TNFRSF10B: variants seen among roughly 807,000 people sequenced by gnomAD.
TNFRSF10B encodes the protein tumor necrosis factor receptor superfamily member 10B.
Under a neutral mutation model 41.4 loss-of-function variants are expected in TNFRSF10B, and 35 were observed. The ratio of observed to expected loss-of-function variants is 0.85; its 90% CI spans 0.65 to 1.12. The LOEUF (loss-of-function observed/expected upper bound fraction) is 1.12. Ranked by LOEUF, TNFRSF10B falls within the 50% of genes most tolerant of loss-of-function variation. The pLI, the probability that TNFRSF10B is intolerant of heterozygous loss-of-function variation, is 0.00. For missense variants in TNFRSF10B, 584 were observed against 552.7 expected (o/e 1.06, Z -0.57); for synonymous variants, 230 against 215.5 (o/e 1.07, Z -0.59).
chr8:23,040,466 C>CAAAATATATTTATTAAATATATAT (rs748466642), intron 2 of TNFRSF10B, among the ~76,000 whole-genome samples: 1,238 of 65,806 alleles, frequency 0.019, 491 homozygotes, highest in Non-Finnish European at 0.028. Context: ...AATATATATA[C>CAAAATATATTTATTAAATATATAT]ACAAAATATA....
intron 1 of TNFRSF10B, among the ~76,000 whole-genome samples, chr8:23,056,018 T>C (rs1293258765): frequency 2.0e-5 from 3 of 152,180 alleles, no homozygotes; most frequent in Non-Finnish European, 4.4e-5. Flanking sequence ...ATAAAAACTC[T>C]TTCTTCCCAG....
intron 1 of TNFRSF10B, among the ~76,000 whole-genome samples, chr8:23,055,237 C>CTAAA (rs1812630282): frequency 6.6e-6 from 1 of 152,088 alleles, no homozygotes; most frequent in Non-Finnish European, 1.5e-5. Context: ...GGCACTCTCT[C>CTAAA]TAAGCCCCTA....
At chr8:23,060,249 C>A (rs1812794378) in intron 1 of TNFRSF10B, among the ~76,000 whole-genome samples, 2 of 152,158 alleles carry the variant, frequency 1.3e-5, no homozygotes, top group African/African-American at 4.8e-5. Context: ...CCTATATTTT[C>A]TTTCAAGAGT....
rs1441547864 is a variant in TNFRSF10B, at chr8:23,021,598, G to A, written c.*1073C>T. ...CTCTGTCCCAGCCTGTCCATAGATG[G>A]GGGCTATGGGTGCAAATGAGACTGC... On this transcript the variant is annotated 3_prime_UTR_variant, in exon 9 of 9. Transcript: ENST00000276431. The A allele has an allele frequency of 4.4e-6, 2 of 454,136 alleles. No homozygotes were observed. Among genetic ancestry groups the A allele is most frequent in the South Asian group, 3.1e-5 (2 of 64,478 alleles). The allele number at this position is 454,136 out of a possible 1,614,324, so 28.1% of individuals were successfully genotyped here. A position where few individuals can be genotyped will look rare whatever the true frequency, so the allele number is the denominator to read the frequency against.
chr8:23,027,598 C>T, intron 6 of TNFRSF10B, 124 bp downstream of exon 6: 2 of 1,399,922 alleles, frequency 1.4e-6, no homozygotes, highest in Admixed American at 1.8e-5. Context: ...CCCAGAGCAC[C>T]CAGGCCACTT....
At chr8:23,045,162 G>A (rs1183693536) in intron 1 of TNFRSF10B, among the ~76,000 whole-genome samples, 2 of 150,980 alleles carry the variant, frequency 1.3e-5, no homozygotes, top group Non-Finnish European at 2.9e-5. Context: ...CCTGGGAGGT[G>A]AAAGTGGCAG....
intron 1 of TNFRSF10B, among the ~76,000 whole-genome samples, chr8:23,047,482 AG>A (rs1352644164): frequency 6.6e-6 from 1 of 152,198 alleles, no homozygotes; most frequent in Non-Finnish European, 1.5e-5. Flanking sequence ...AAAATATATA[AG>A]GAACTCAAAT....
At chr8:23,050,098 G>A (rs549165814) in intron 1 of TNFRSF10B, among the ~76,000 whole-genome samples, 4 of 152,206 alleles carry the variant, frequency 2.6e-5, no homozygotes, top group Non-Finnish European at 4.4e-5. Flanking sequence ...GTGAGTCAAT[G>A]GGATCTTAGG....
At chr8:23,042,484 G>C (rs1012246744) in intron 2 of TNFRSF10B, among the ~76,000 whole-genome samples, 27 of 152,146 alleles carry the variant, frequency 1.8e-4, no homozygotes, top group Admixed American at 6.5e-5. Flanking sequence ...CTGCATCTCT[G>C]GGGGCTCAAA....
chr8:23,023,629 A>G (rs962952913), intron 8 of TNFRSF10B, among the ~76,000 whole-genome samples: 30 of 152,286 alleles, frequency 2.0e-4, no homozygotes, highest in African/African-American at 7.2e-4. Context: ...ACACGAGGCT[A>G]TGTTTTCCAA....
At chr8:23,040,305 TATATTTAATAAATATATATAC>T (rs1812143036) in intron 2 of TNFRSF10B, among the ~76,000 whole-genome samples, 1 of 33,612 alleles carries the variant, frequency 3.0e-5, no homozygotes, top group Non-Finnish European at 1.1e-4. Context: ...ATATATAATA[TATATTTAATAAATATATATAC>T]AAAATATATA....
chr8:23,051,701 C>T lies in TNFRSF10B; in HGVS notation c.145-8458G>A, dbSNP rs537928563. On this transcript the variant is annotated intron_variant, in intron 1 of 8. Transcript: ENST00000276431. ...CTGGGACTACAGTCGCCCGCCACCGCGCCTGGTTATTTTTTGTATTTTTAG... is the reference window on the plus strand; with the variant it reads ...CTGGGACTACAGTCGCCCGCCACCGTGCCTGGTTATTTTTTGTATTTTTAG... Among the ~76,000 whole-genome samples, 32 of 152,148 alleles carry T rather than the reference C, an allele frequency of 2.1e-4. 1 individual carries two copies. Among genetic ancestry groups the T allele is most frequent in the South Asian group, 1.2e-3 (6 of 4,810 alleles).
At chr8:23,067,086 C>G (rs1380475509) in intron 1 of TNFRSF10B, among the ~76,000 whole-genome samples, 2 of 151,830 alleles carry the variant, frequency 1.3e-5, no homozygotes. Flanking sequence ...TCAAGTGATT[C>G]TCCTGCCTCA....
chr8:23,067,977 C>G (rs566871301), intron 1 of TNFRSF10B, among the ~76,000 whole-genome samples: 29 of 152,356 alleles, frequency 1.9e-4, no homozygotes, highest in African/African-American at 7.0e-4. Context: ...ACAAAGCCGA[C>G]TCTTTGTCCC....
intron 6 of TNFRSF10B, 101 bp downstream of exon 6, chr8:23,027,621 G>T: frequency 6.5e-7 from 1 of 1,532,534 alleles, no homozygotes; most frequent in South Asian, 1.1e-5. Flanking sequence ...GAGAGTCAGG[G>T]CAGCCATGAG....
At chr8:23,031,581 G>A (rs901255671) in intron 2 of TNFRSF10B, among the ~76,000 whole-genome samples, 2 of 151,530 alleles carry the variant, frequency 1.3e-5, no homozygotes, top group South Asian at 4.2e-4. Context: ...TTTTTGTAGA[G>A]ACGAGGTTTC....
chr8:23,026,086 AT>A (rs1811694189), intron 7 of TNFRSF10B, among the ~76,000 whole-genome samples: 2 of 152,256 alleles, frequency 1.3e-5, no homozygotes, highest in East Asian at 3.9e-4. Flanking sequence ...AAAAAAAAAA[AT>A]CTTCAAAGTC....
intron 2 of TNFRSF10B, 137 bp downstream of exon 2, chr8:23,042,998 CAGA>C: frequency 2.8e-6 from 2 of 715,700 alleles, no homozygotes; most frequent in Non-Finnish European, 4.8e-6. Context: ...AGGAAGGCTC[CAGA>C]AGGACAGAGC....
At position 23,057,158 on chromosome 8, in the gene TNFRSF10B, G is replaced by A. The variant is rs1272726029; in HGVS notation, c.144+11593C>T. Among the ~76,000 whole-genome samples the A allele has an allele frequency of 2.0e-5, 3 of 150,204 alleles. No homozygotes were observed. In the East Asian group the frequency reaches 5.9e-4, roughly 29 times the overall value. ...AGGTTCATGCCATTCTCCTGCCTCA[G>A]CCTCCCGAGTAGCTGGGACTACAGG... On this transcript the variant is annotated intron_variant, in intron 1 of 8. Coordinates refer to ENST00000276431, the MANE Select transcript of TNFRSF10B (RefSeq NM_003842.5).
Sources: allele counts gnomAD v4.1 joint callset (sites outside exome capture counted in the v4.1 genomes callset), GRCh38; gene constraint gnomAD v4.1.1; transcripts MANE v1.5; gene names NCBI Gene and HGNC (gene_info 2026-07-23, HGNC 2026-07-21).